Variants in CENPE observed in about 807,000 individuals in gnomAD.
The protein encoded by CENPE is centromere-associated protein E.
A neutral mutation model predicts 336.1 loss-of-function variants in CENPE; 145 were observed. That is an observed-to-expected ratio of 0.43 (90% CI 0.38 to 0.50). The LOEUF (loss-of-function observed/expected upper bound fraction) is 0.50. Ranked by LOEUF, CENPE falls within the 20% of genes least tolerant of loss-of-function variation. The pLI, the probability that CENPE is intolerant of heterozygous loss-of-function variation, is 0.00. For missense variants in CENPE, 2,719 were observed against 3,023.3 expected, an observed-to-expected ratio of 0.90 and a Z score of 2.36; for synonymous variants, 1,013 against 984.8, an observed-to-expected ratio of 1.03 and a Z score of -0.54.
chr4:103,192,010 G>A (rs184348534), intron 8 of CENPE, among the ~76,000 whole-genome samples: 1 of 152,132 alleles, frequency 6.6e-6, no homozygotes, highest in Admixed American at 6.5e-5. Context: ...GGTGGCAGAG[G>A]AGACTGCTTG....
chr4:103,116,601 T>C lies in CENPE; in HGVS notation c.7418A>G (p.Lys2473Arg), dbSNP rs1321589305. The change falls in exon 45 of 49, where the codon AAA becomes AGA. Residue 2473 changes from lysine (K) to arginine (R), a missense_variant. Lys to Arg is a conservative substitution (Grantham distance 26, BLOSUM62 2). This residue lies in a region of CENPE where 2,437 missense variants were observed against 2,513.3 expected (regional missense o/e 0.97). Coordinates refer to ENST00000265148, the MANE Select transcript of CENPE (RefSeq NM_001813.3). ...KLVKIDLEKM[K>R]NAKEFEKEIS... The stretch of plus-strand genomic sequence containing the variant: ...CTCCTTTTCAAATTCTTTGGCATTT[T>C]TCATTTTCTCTAGGTCTATTTTCAC... The C allele has an allele frequency of 1.3e-6, 2 of 1,567,240 alleles. No homozygotes were observed.
intron 24 of CENPE, among the ~76,000 whole-genome samples, chr4:103,155,768 C>G (rs1209556274): frequency 6.6e-6 from 1 of 152,060 alleles, no homozygotes; most frequent in Non-Finnish European, 1.5e-5. Context: ...CAGTATTTTG[C>G]CCCGGAGTAA....
intron 10 of CENPE, 49 bp downstream of exon 10, chr4:103,183,152 A>G (rs1470152697): frequency 5.8e-6 from 8 of 1,376,384 alleles, no homozygotes; most frequent in Non-Finnish European, 8.2e-6. Context: ...GTTCAACCTA[A>G]TGAAAAATAT....
chr4:103,161,437 T>C lies in CENPE; in HGVS notation c.1863A>G (p.Lys621=). The C allele has an allele frequency of 1.2e-6, 2 of 1,610,884 alleles. No homozygotes were observed. Among genetic ancestry groups the C allele is most frequent in the South Asian group, 2.2e-5 (2 of 90,326 alleles). ...SYSLESIEDP[K]QMKQTLFDAE... ...CATCAAACAGAGTCTGCTTCATTTGTTTTGGGTCTTCAATGCTTTCCTAGA... is the reference window on the plus strand; with the variant it reads ...CATCAAACAGAGTCTGCTTCATTTGCTTTGGGTCTTCAATGCTTTCCTAGA... Residue 621 remains lysine, a synonymous_variant, in exon 19 of 49, where the codon AAA becomes AAG. Transcript: ENST00000265148.
intron 42 of CENPE, among the ~76,000 whole-genome samples, chr4:103,131,123 C>T (rs1751554070): frequency 6.6e-6 from 1 of 151,944 alleles, no homozygotes; most frequent in Non-Finnish European, 1.5e-5. Context: ...AAAATCTGCA[C>T]TCTGAAACAC....
chr4:103,159,324 T>C lies in CENPE; in HGVS notation c.2287A>G (p.Ile763Val). ...TGGAGCTCTTCAGATTTGTCTTGTA[T>C]CTATGGAAAAGAAATAAAATTTAGG... is the stretch of plus-strand genomic sequence containing the variant. ...PSEVERLRKE[I>V]QDKSEELHII... Residue 763 changes from isoleucine (I) to valine (V), a missense_variant and splice_region_variant, in exon 22 of 49, where the codon ATA becomes GTA. This residue lies in a region of CENPE where 2,437 missense variants were observed against 2,513.3 expected (regional missense o/e 0.97). Transcript: ENST00000265148. The C allele has an allele frequency of 7.0e-7, 1 of 1,430,492 alleles. No individual in the cohort carries two copies. The highest frequency in any genetic ancestry group is 9.2e-7 in the Non-Finnish European group (1 of 1,081,370). 88.6% of individuals were successfully genotyped at this position (1,430,492 alleles called of 1,614,324 possible).
intron 29 of CENPE, 126 bp downstream of exon 29, chr4:103,147,230 C>T: frequency 3.9e-6 from 3 of 764,090 alleles, no homozygotes; most frequent in Non-Finnish European, 4.1e-6. Flanking sequence ...CTAGTCATTT[C>T]ATGATTAAGA....
rs1393914941 is a variant in CENPE at position 103,143,389 on chromosome 4, CTCT to C, written c.5160_5162del (p.Glu1722del). Reference sequence around the variant, plus strand: ...GATGCATGTGAACAATTTTTAGCTCCTCTTGTTTTTCTAGGTCCTTTATCAATA... The same window carrying C: ...GATGCATGTGAACAATTTTTAGCTCCTGTTTTTCTAGGTCCTTTATCAATA... On this transcript the variant is annotated inframe_deletion, in exon 34 of 49. Coordinates refer to ENST00000265148, the MANE Select transcript of CENPE (RefSeq NM_001813.3). 1 of 1,600,168 alleles carries C rather than the reference CTCT, an allele frequency of 6.2e-7. No individual in the cohort carries two copies. Among genetic ancestry groups the C allele is most frequent in the Non-Finnish European group, 8.6e-7 (1 of 1,169,310 alleles).
intron 16 of CENPE, among the ~76,000 whole-genome samples, chr4:103,171,702 TAA>T (rs1755426886): frequency 6.7e-6 from 1 of 148,152 alleles, no homozygotes; most frequent in Non-Finnish European, 1.5e-5. Flanking sequence ...ATCCACAAAA[TAA>T]AGAGTTTTTT....
chr4:103,124,152 G>C (rs1750889071), intron 42 of CENPE, among the ~76,000 whole-genome samples: 1 of 152,126 alleles, frequency 6.6e-6, no homozygotes, highest in African/African-American at 2.4e-5. Flanking sequence ...TACCATCCAT[G>C]GCATCCCCTC....
At chr4:103,112,552 ATGTG>A (rs1168030219) in intron 46 of CENPE, among the ~76,000 whole-genome samples, 1 of 142,072 alleles carries the variant, frequency 7.0e-6, no homozygotes, top group Non-Finnish European at 1.5e-5. Context: ...ATAAGTATAT[ATGTG>A]TATGTATGTA....
chr4:103,159,807 G>A (rs2711890), intron 21 of CENPE, among the ~76,000 whole-genome samples: 148,426 of 151,948 alleles, frequency 0.98, 72,508 homozygotes, highest in East Asian at 1. Context: ...AATAAAAATA[G>A]AAGTACCACT....
chr4:103,160,480 C>A, intron 21 of CENPE, 145 bp downstream of exon 21: 2 of 568,192 alleles, frequency 3.5e-6, no homozygotes, highest in South Asian at 3.0e-5. Context: ...GAACTATATT[C>A]ATTTCTATTT....
intron 1 of CENPE, 131 bp from the exon 2 acceptor site, chr4:103,196,981 CT>C: frequency 1.5e-6 from 1 of 648,586 alleles, no homozygotes; most frequent in Non-Finnish European, 2.8e-6. Context: ...GAAAGTCCAT[CT>C]TTGAGGATTC....
chr4:103,178,039 CTT>C (rs201491418), intron 13 of CENPE, among the ~76,000 whole-genome samples: 26 of 134,684 alleles, frequency 1.9e-4, no homozygotes, highest in Admixed American at 3.0e-4. Flanking sequence ...TGTTGCATGA[CTT>C]TTTTTTTTTT....
chr4:103,116,967 T>TC (rs1315531075), intron 44 of CENPE, among the ~76,000 whole-genome samples: 7 of 152,252 alleles, frequency 4.6e-5, no homozygotes, highest in Admixed American at 3.9e-4. Flanking sequence ...ATATTTTTTT[T>TC]CTAATTGAAA....
chr4:103,110,781 T>C (rs1333849992), intron 47 of CENPE, 47 bp downstream of exon 47: 2 of 1,429,608 alleles, frequency 1.4e-6, no homozygotes, highest in Non-Finnish European at 1.9e-6. Flanking sequence ...CCTACATATA[T>C]GTAATAGCCG....
chr4:103,180,359 TGTTAA>T lies in CENPE; in HGVS notation c.1189_1193del (p.Leu397ThrfsTer18). 6.2e-7 allele frequency: 1 copy of T among 1,613,378 alleles called. No homozygotes were observed. Among genetic ancestry groups the T allele is most frequent in the Non-Finnish European group, 8.5e-7 (1 of 1,179,548 alleles). On this transcript the variant is annotated frameshift_variant, in exon 13 of 49. Transcript: ENST00000265148. LOFTEE classifies it high-confidence loss of function. ...GGGAAGAAGAGGTCACCAGCATCCG[TGTTAA>T]GTTTTCAATTTTCTCATTCTGTACT... is the stretch of plus-strand genomic sequence containing the variant.
intron 24 of CENPE, among the ~76,000 whole-genome samples, chr4:103,156,363 G>T (rs111705311): frequency 3.3e-4 from 50 of 152,204 alleles, no homozygotes; most frequent in African/African-American, 1.1e-3. Flanking sequence ...AAAACAATGT[G>T]GTGCTAGCAT....
Sources: gnomAD v4.1 joint callset for allele counts (sites outside exome capture counted in the v4.1 genomes callset) on GRCh38, gnomAD v4.1.1 for gene constraint, gnomAD v4.1.1 regional missense constraint, MANE v1.5 for transcripts, NCBI Gene and HGNC (gene_info 2026-07-23, HGNC 2026-07-21) for gene names.